The following OBSL1 variants were observed in gnomAD, a reference collection of about 807,000 sequenced individuals.
OBSL1 encodes obscurin like cytoskeletal adaptor 1, also known as obscurin-like protein 1.
A neutral mutation model predicts 172.0 loss-of-function variants in OBSL1; 160 were observed. The observed-to-expected ratio is 0.93, with a 90% confidence interval of 0.82 to 1.06. OBSL1 has a LOEUF of 1.06. Among genes scored for constraint, OBSL1 ranks in the 50% least tolerant of loss-of-function variants. The probability of loss-of-function intolerance (pLI) is 0.00; values close to 1 mark genes in which losing one functional copy is unlikely to be tolerated. For missense variants in OBSL1, 2,681 were observed against 2,715.4 expected (o/e 0.99, Z 0.28); for synonymous variants, 1,200 against 1,196.3 (o/e 1.00, Z -0.06).
chr2:219,549,001 G>A (rs780027283), downstream of OBSL1: 130 of 773,126 alleles, frequency 1.7e-4, 1 homozygote, highest in Non-Finnish European at 2.5e-4. Context: ...AGAGGTAGGA[G>A]ACCAGGAAAG....
chr2:219,552,179 G>A lies in OBSL1; in HGVS notation c.5346C>T (p.Ala1782=), dbSNP rs369918740. Residue 1782 remains alanine, a synonymous_variant, in exon 19 of 21, where the codon GCC becomes GCT. Coordinates refer to ENST00000404537, the MANE Select transcript of OBSL1 (RefSeq NM_015311.3). ...KHILVLSELR[A]EDAGEVRFQA... ...GGAAGCGGACTTCACCGGCGTCCTC[G>A]GCGCGCAGCTCGCTAAGCACCAGAA... 1.1e-5 allele frequency: 17 copies of A among 1,610,682 alleles called. No homozygotes were observed. In the African/African-American group the frequency reaches 1.9e-4, roughly 18 times the overall value.
chr2:219,550,723 G>A, downstream of OBSL1: 3 of 1,426,770 alleles, frequency 2.1e-6, no homozygotes, highest in South Asian at 1.2e-5. Context: ...AGAGAGGCAA[G>A]GAAATGAGCT....
chr2:219,571,289 G>A lies in OBSL1; in HGVS notation c.-57C>T. The stretch of plus-strand genomic sequence containing the variant: ...GTGGGGGGGCAGGGGGGGGTGCGGA[G>A]GGCGAGCCGAGGCCCGGGGCGGCGG... On this transcript the variant is annotated 5_prime_UTR_variant, in exon 1 of 21. Transcript: ENST00000404537. 9.6e-7 allele frequency: 1 copy of A among 1,038,774 alleles called. No individual in the cohort carries two copies. The highest frequency in any genetic ancestry group is 1.2e-6 in the Non-Finnish European group (1 of 809,902). The allele number at this position is 1,038,774 out of a possible 1,614,324, so 64.3% of individuals were successfully genotyped here. A position where few individuals can be genotyped will look rare whatever the true frequency, so the allele number is the denominator to read the frequency against.
intron 8 of OBSL1, chr2:219,561,656 C>T: frequency 1.8e-6 from 1 of 564,252 alleles, no homozygotes; most frequent in South Asian, 2.0e-5. Context: ...CTCCCTGACC[C>T]TCCTGCTCTG....
At chr2:219,566,271 C>T (rs757775039) in intron 5 of OBSL1, among the ~76,000 whole-genome samples, 7 of 151,922 alleles carry the variant, frequency 4.6e-5, no homozygotes, top group Admixed American at 2.0e-4. Flanking sequence ...CCCAGCTACT[C>T]GGGAGGCTGA....
chr2:219,564,415 T>TA (rs546822063), intron 6 of OBSL1, among the ~76,000 whole-genome samples: 2 of 152,250 alleles, frequency 1.3e-5, no homozygotes, highest in Non-Finnish European at 2.9e-5. Flanking sequence ...CATAACCTCT[T>TA]ACAGCCTCCA....
Position 219,552,980 on chromosome 2 carries a change from G to A in OBSL1, c.5034C>T (p.Ala1678=), listed in dbSNP as rs1350083692. 1 of 1,530,088 alleles carries A rather than the reference G, an allele frequency of 6.5e-7. No individual in the cohort carries two copies. Among genetic ancestry groups the A allele is most frequent in the Non-Finnish European group, 8.7e-7 (1 of 1,142,874 alleles). 94.8% of individuals were successfully genotyped at this position (1,530,088 alleles called of 1,614,324 possible). Residue 1678 remains alanine, a synonymous_variant, in exon 17 of 21, where the codon GCC becomes GCT. Transcript: ENST00000404537. ...LTPSPRLRLQ[A]LGTRRLLQLR... is the part of the protein sequence containing the mutation. Reference sequence around the variant, plus strand: ...GCTGGAGAAGGCGGCGCGTGCCGAGGGCCTGGAGCCGGAGCCGCGGGCTAG... The same window carrying A: ...GCTGGAGAAGGCGGCGCGTGCCGAGAGCCTGGAGCCGGAGCCGCGGGCTAG...
Position 219,559,300 on chromosome 2 carries a change from C to T in OBSL1, c.3151G>A (p.Ala1051Thr). The T allele has an allele frequency of 1.2e-6, 2 of 1,613,994 alleles. No individual in the cohort carries two copies. The highest frequency in any genetic ancestry group is 1.7e-6 in the Non-Finnish European group (2 of 1,179,876). The change falls in exon 9 of 21, where the codon GCT becomes ACT. Residue 1051 changes from alanine (A) to threonine (T), a missense_variant. Around this residue, in one of 5 missense-constraint regions of OBSL1, gnomAD observed 1,765 missense variants for 1,748.3 expected, o/e 1.01. Coordinates refer to ENST00000404537, the MANE Select transcript of OBSL1 (RefSeq NM_015311.3). ...AACTCGCCCCCGTCCTCGGGCTGAG[C>T]AGCAGGTAGCACCAGGCGGCAGCGT... is the stretch of plus-strand genomic sequence containing the variant. ...GPRCRLVLPA[A>T]QPEDGGEFVC...
chr2:219,562,316 C>A (rs899680179), intron 8 of OBSL1, 86 bp downstream of exon 8: 82 of 1,512,166 alleles, frequency 5.4e-5, no homozygotes, highest in Non-Finnish European at 7.0e-5. Flanking sequence ...CCCTCCTCCC[C>A]GGGGTGCTAG....
chr2:219,549,386 A>T, downstream of OBSL1: 1 of 1,592,738 alleles, frequency 6.3e-7, no homozygotes, highest in Non-Finnish European at 8.6e-7. Flanking sequence ...AGCCAGAATG[A>T]GAAGGAAGTG....
chr2:219,552,650 C>A lies in OBSL1; in HGVS notation c.5194G>T (p.Glu1732Ter). The A allele has an allele frequency of 6.5e-7, 1 of 1,546,082 alleles. No individual in the cohort carries two copies. The highest frequency in any genetic ancestry group is 1.4e-5 in the African/African-American group (1 of 73,642). ...LSELRSVSAR[E>*]GDGATFECTV... ...CACTCGAACGTAGCGCCGTCGCCTT[C>A]GCGGGCGCTCACCGACCGCAGCTCG... Residue 1732 changes from glutamate to a stop codon, truncating the protein, a stop_gained, in exon 18 of 21, where the codon GAA becomes TAA. Coordinates refer to ENST00000404537, the MANE Select transcript of OBSL1 (RefSeq NM_015311.3). LOFTEE classifies it high-confidence loss of function.
At chr2:219,562,158 G>C in intron 8 of OBSL1, 1 of 655,180 alleles carries the variant, frequency 1.5e-6, no homozygotes, top group Admixed American at 2.2e-5. Context: ...TACTCCCAGT[G>C]CCTGATTCAG....
At position 219,556,045 on chromosome 2, in the gene OBSL1, G is replaced by A; in HGVS notation, c.4584C>T (p.Arg1528=). The change falls in exon 14 of 21, where the codon CGC becomes CGT. Residue 1528 remains arginine (R), a synonymous_variant. Transcript: ENST00000404537. The stretch of plus-strand genomic sequence containing the variant: ...GCCTCACGCTGAGCCTGGCCAGGGT[G>A]CGATCGTGGTGGCTCTCGCAGCCGT... The part of the protein sequence containing the change: ...GTYGCESHHD[R]TLARLSVRPR... The A allele has an allele frequency of 6.2e-7, 1 of 1,613,680 alleles. No homozygotes were observed. Among genetic ancestry groups the A allele is most frequent in the Middle Eastern group, 1.6e-4 (1 of 6,062 alleles).
At chr2:219,565,877 G>A (rs934227807) in intron 5 of OBSL1, among the ~76,000 whole-genome samples, 11 of 152,126 alleles carry the variant, frequency 7.2e-5, no homozygotes, top group African/African-American at 1.7e-4. Context: ...CCAAGACCCC[G>A]TGCATGGGTG....
rs775463681 is a variant in OBSL1, at chr2:219,557,458, C to G, written c.3951G>C (p.Leu1317=). The change falls in exon 12 of 21, where the codon CTG becomes CTC. Residue 1317 remains leucine (L), a synonymous_variant. Transcript: ENST00000404537. The stretch of plus-strand genomic sequence containing the variant: ...GCACCTGCCTGGCCCCGGCCTGCTC[C>G]AGCTGCACCCGCCCCTGGCTTGCCA... The part of the protein sequence containing the change: ...ERLASQGRVQ[L]EQAGARQVLR... 6.7e-5 allele frequency: 104 copies of G among 1,548,678 alleles called. No homozygotes were observed. Among genetic ancestry groups the G allele is most frequent in the Middle Eastern group, 1.7e-4 (1 of 5,994 alleles).
intron 15 of OBSL1, 99 bp downstream of exon 15, chr2:219,554,375 T>A: frequency 7.3e-7 from 1 of 1,367,472 alleles, no homozygotes; most frequent in South Asian, 1.3e-5. Flanking sequence ...GAGACAGGCA[T>A]GGTCAGTGGG....
chr2:219,565,201 C>T, intron 6 of OBSL1, 41 bp downstream of exon 6: 2 of 1,560,428 alleles, frequency 1.3e-6, no homozygotes, highest in Non-Finnish European at 1.7e-6. Flanking sequence ...GCCCCACAAT[C>T]AGCCTTGGCT....
chr2:219,561,357 G>A (rs951107856), intron 8 of OBSL1, among the ~76,000 whole-genome samples: 2 of 152,026 alleles, frequency 1.3e-5, no homozygotes, highest in Admixed American at 1.3e-4. Flanking sequence ...CGAGGTCTCC[G>A]GCACTGAACC....
At position 219,562,604 on chromosome 2, in the gene OBSL1, C is replaced by G; in HGVS notation, c.2751G>C (p.Val917=). Residue 917 remains valine (V), a synonymous_variant, in exon 8 of 21, where the codon GTG becomes GTC. Transcript: ENST00000404537. ...AGGGCCGGCATAGCTCACAGGTCAG[C>G]ACCACACGCTCCAGGCGCACGGCTG... is the stretch of plus-strand genomic sequence containing the variant. ...YVAAVRLERV[V]LTCELCRPWA... The G allele has an allele frequency of 6.2e-7, 1 of 1,608,286 alleles. No individual in the cohort carries two copies. Among genetic ancestry groups the G allele is most frequent in the Non-Finnish European group, 8.5e-7 (1 of 1,177,618 alleles).
Sources: allele counts gnomAD v4.1 joint callset (sites outside exome capture counted in the v4.1 genomes callset), GRCh38; gene constraint gnomAD v4.1.1; regional missense constraint gnomAD v4.1.1; transcripts MANE v1.5; gene names NCBI Gene and HGNC (gene_info 2026-07-23, HGNC 2026-07-21).